SYNE1: variants seen among roughly 807,000 people sequenced by gnomAD.
SYNE1 encodes nesprin-1.
A neutral mutation model predicts 1,111.0 loss-of-function variants in SYNE1; 616 were observed. That is an observed-to-expected ratio of 0.55 (90% confidence interval 0.52 to 0.59). The LOEUF (loss-of-function observed/expected upper bound fraction) is 0.59, where lower values mean the gene tolerates loss of function less well. Among genes scored for constraint, SYNE1 ranks in the 20% least tolerant of loss-of-function variants. The probability of loss-of-function intolerance (pLI) is 0.00; values close to 1 mark genes in which losing one functional copy is unlikely to be tolerated. For synonymous variants in SYNE1, 3,855 were observed against 3,825.8 expected, an observed-to-expected ratio of 1.01 and a Z score of -0.28; for missense variants, 10,006 against 10,417.0, an observed-to-expected ratio of 0.96 and a Z score of 1.72.
intron 14 of SYNE1, among the ~76,000 whole-genome samples, chr6:152,480,307 G>T (rs532091368): frequency 3.9e-5 from 6 of 151,934 alleles, no homozygotes; most frequent in Non-Finnish European, 7.4e-5. Context: ...GATCACTTGA[G>T]GTCAGGAGTT....
chr6:152,243,617 G>A (rs74636305), intron 106 of SYNE1, among the ~76,000 whole-genome samples: 16,405 of 152,166 alleles, frequency 0.11, 1,071 homozygotes, highest in African/African-American at 0.17. Context: ...CAAAGTGGGG[G>A]AGGTGGGCTT....
At chr6:152,282,872 A>G (rs558895601) in intron 96 of SYNE1, among the ~76,000 whole-genome samples, 7 of 152,260 alleles carry the variant, frequency 4.6e-5, no homozygotes, top group Non-Finnish European at 1.0e-4. Context: ...GACTAATCAT[A>G]TAATAGGTAA....
At chr6:152,575,115 T>C (rs12213593) in intron 3 of SYNE1, among the ~76,000 whole-genome samples, 2 of 152,026 alleles carry the variant, frequency 1.3e-5, no homozygotes, top group Admixed American at 1.3e-4. Context: ...GTGGGTACAG[T>C]TGATGAGGTT....
intron 119 of SYNE1, among the ~76,000 whole-genome samples, chr6:152,219,406 G>A (rs2079544628): frequency 6.6e-6 from 1 of 150,690 alleles, no homozygotes; most frequent in Admixed American, 6.6e-5. Flanking sequence ...ATAACCTATG[G>A]CTATATATAA....
At chr6:152,561,433 A>C (rs1211137984) in intron 3 of SYNE1, among the ~76,000 whole-genome samples, 1 of 152,188 alleles carries the variant, frequency 6.6e-6, no homozygotes, top group Non-Finnish European at 1.5e-5. Flanking sequence ...CTGACAAGGC[A>C]AATACATGGA....
intron 87 of SYNE1, among the ~76,000 whole-genome samples, chr6:152,312,299 T>C (rs2095578673): frequency 6.7e-6 from 1 of 150,340 alleles, no homozygotes; most frequent in Admixed American, 6.6e-5. Context: ...AACCTGCATC[T>C]CCTGGGTTCA....
intron 23 of SYNE1, 46 bp from the exon 24 acceptor site, chr6:152,455,636 T>C (rs1283659278): frequency 1.9e-6 from 3 of 1,608,704 alleles, no homozygotes; most frequent in South Asian, 1.1e-5. Flanking sequence ...TTCTCATTAC[T>C]GAAAGGATCA....
At chr6:152,467,122 A>G (rs982626996) in intron 16 of SYNE1, among the ~76,000 whole-genome samples, 44 of 152,100 alleles carry the variant, frequency 2.9e-4, no homozygotes, top group Non-Finnish European at 4.4e-4. Flanking sequence ...ATTTCATATC[A>G]TTTTATGTTT....
chr6:152,395,706 C>T (rs749581643), intron 50 of SYNE1, 35 bp from the exon 51 acceptor site: 3 of 1,611,096 alleles, frequency 1.9e-6, no homozygotes, highest in South Asian at 2.2e-5. Context: ...GAAATTCTTA[C>T]ATGCTTGTTA....
At chr6:152,596,860 C>A (rs1017440320) in intron 3 of SYNE1, among the ~76,000 whole-genome samples, 2 of 152,148 alleles carry the variant, frequency 1.3e-5, no homozygotes, top group African/African-American at 4.8e-5. Flanking sequence ...CTTACCAGAG[C>A]AGTTGGTTTA....
chr6:152,310,137 T>C, intron 89 of SYNE1, 120 bp from the exon 90 acceptor site: 1 of 1,283,424 alleles, frequency 7.8e-7, no homozygotes, highest in Non-Finnish European at 1.1e-6. Context: ...AAAAAAAATG[T>C]TTAAAACAGT....
At chr6:152,564,178 C>T (rs2099403795) in intron 3 of SYNE1, among the ~76,000 whole-genome samples, 1 of 152,108 alleles carries the variant, frequency 6.6e-6, no homozygotes, top group African/African-American at 2.4e-5. Flanking sequence ...ATTTCTTGGC[C>T]TGGGATTTCA....
chr6:152,195,866 T>C (rs1366520778), intron 127 of SYNE1, among the ~76,000 whole-genome samples: 3 of 122,950 alleles, frequency 2.4e-5, no homozygotes, highest in Non-Finnish European at 5.2e-5. Flanking sequence ...TGTGTTCTTC[T>C]CTTCAGGGCA....
chr6:152,409,458 C>T (rs1237239944), intron 43 of SYNE1, 101 bp downstream of exon 43: 1 of 1,478,504 alleles, frequency 6.8e-7, no homozygotes, highest in African/African-American at 1.4e-5. Context: ...GAATTACCCA[C>T]ATCTAAGTAT....
chr6:152,176,012 T>C (rs1455508653), intron 130 of SYNE1, among the ~76,000 whole-genome samples: 1 of 140,626 alleles, frequency 7.1e-6, no homozygotes, highest in Admixed American at 7.1e-5. Context: ...AGAGATTTAG[T>C]AATTTTTTTT....
At chr6:152,349,095 G>C (rs1390276561) in intron 72 of SYNE1, among the ~76,000 whole-genome samples, 1 of 152,170 alleles carries the variant, frequency 6.6e-6, no homozygotes, top group South Asian at 2.1e-4. Context: ...AGCCCAGAGG[G>C]GCTAACTGGC....
rs757960938 is a variant in SYNE1, at chr6:152,387,220, A to G, written c.8339T>C (p.Leu2780Pro). 8 of 1,614,164 alleles carry G rather than the reference A, an allele frequency of 5.0e-6. No homozygotes were observed. In the East Asian group the frequency reaches 1.8e-4, roughly 36 times the overall value. The change falls in exon 54 of 146, where the codon CTG becomes CCG. Residue 2780 changes from leucine (L) to proline (P), a missense_variant. Physicochemically the swap from Leu to Pro is moderately conservative, Grantham distance 98. Coordinates refer to ENST00000367255, the MANE Select transcript of SYNE1 (RefSeq NM_182961.4). The part of the protein sequence containing the change: ...FVLLDHLQSI[L>P]SEAEDHTRAL... ...TCTCGTGTGATCTTCTGCCTCAGACAGGATGGACTGGAGGTGGTCAAGCAG... is the reference window on the plus strand; with the variant it reads ...TCTCGTGTGATCTTCTGCCTCAGACGGGATGGACTGGAGGTGGTCAAGCAG...
chr6:152,498,671 G>T (rs2154318802), intron 11 of SYNE1, 71 bp downstream of exon 11: 1 of 1,068,230 alleles, frequency 9.4e-7, no homozygotes, highest in Non-Finnish European at 1.4e-6. Flanking sequence ...ACATGCAAGG[G>T]AATGACTAAA....
chr6:152,234,539 T>C lies in SYNE1; in HGVS notation c.20529+129A>G, dbSNP rs2083545459. On this transcript the variant is annotated intron_variant, in intron 111 of 145. Transcript: ENST00000367255. ...CGAACTCCTGACCTCGTGATCTGACTGCTTGGCCTCCCAAAGTGTGGGATT... is the reference window on the plus strand; with the variant it reads ...CGAACTCCTGACCTCGTGATCTGACCGCTTGGCCTCCCAAAGTGTGGGATT... 8 of 1,050,032 alleles carry C rather than the reference T, an allele frequency of 7.6e-6. No individual in the cohort carries two copies. In the Admixed American group the frequency reaches 1.2e-4, roughly 16 times the overall value. The allele number at this position is 1,050,032 out of a possible 1,614,324, so 65.0% of individuals were successfully genotyped here. A position where few individuals can be genotyped will look rare whatever the true frequency, so the allele number is the denominator to read the frequency against.
Sources: gnomAD v4.1 joint callset for allele counts (sites outside exome capture counted in the v4.1 genomes callset) on GRCh38, gnomAD v4.1.1 for gene constraint, MANE v1.5 for transcripts, NCBI Gene and HGNC (gene_info 2026-07-23, HGNC 2026-07-21) for gene names.